The following ZDHHC6 variants were observed in gnomAD, a reference collection of about 807,000 sequenced individuals.
ZDHHC6 encodes the protein palmitoyltransferase ZDHHC6.
Under a neutral mutation model 57.8 loss-of-function variants are expected in ZDHHC6, and 32 were observed. That is an observed-to-expected ratio of 0.55 (90% CI 0.42 to 0.74). The LOEUF is 0.74. ZDHHC6 is among the 30% of genes least tolerant of loss of function. The pLI is 0.00. For synonymous variants in ZDHHC6, 128 were observed against 158.0 expected (o/e 0.81, Z 1.42); for missense variants, 433 against 500.7 (o/e 0.86, Z 1.29).
At chr10:112,426,711 C>A, downstream of ZDHHC6, 1 of 1,269,414 alleles carries the variant, frequency 7.9e-7, no homozygotes, top group Non-Finnish European at 1.2e-6. Flanking sequence ...CTTTGACAGG[C>A]ACTTTGAGTT....
chr10:112,443,520 A>T lies in ZDHHC6; in HGVS notation c.354T>A (p.Cys118Ter). The T allele has an allele frequency of 6.2e-7, 1 of 1,613,686 alleles. No homozygotes were observed. Among genetic ancestry groups the T allele is most frequent in the Non-Finnish European group, 8.5e-7 (1 of 1,179,650 alleles). The change falls in exon 3 of 11, where the codon TGT (cysteine) becomes TGA (stop). Residue 118 changes from cysteine (C) to a stop codon, truncating the protein, a stop_gained. Transcript: ENST00000369405. LOFTEE classifies it high-confidence loss of function. ...ACAGCAAGAAAGACAGGTACCTGTT[A>T]CACTTTCTGCAGTGATGTGAACGTG... ...KAPRSHHCRK[C>*]NRCVMKMDHH...
At chr10:112,426,399 C>T (rs11195955), downstream of ZDHHC6, 167,839 of 1,554,458 alleles carry the variant, frequency 0.11, 9,632 homozygotes, top group East Asian at 0.16. Context: ...CACCCATGGG[C>T]CCATCGTGGA....
At chr10:112,431,128 A>C (rs988107750) in intron 10 of ZDHHC6, among the ~76,000 whole-genome samples, 2 of 152,194 alleles carry the variant, frequency 1.3e-5, no homozygotes, top group Non-Finnish European at 2.9e-5. Context: ...ATGATCCCGA[A>C]TAGGGACTAA....
At chr10:112,442,451 C>A in intron 3 of ZDHHC6, 100 bp from the exon 4 acceptor site, 1 of 1,160,744 alleles carries the variant, frequency 8.6e-7, no homozygotes, top group Non-Finnish European at 1.2e-6. Flanking sequence ...TCCAGCATGT[C>A]CATGAGCTAC....
At chr10:112,445,885 T>C (rs1333338045) in intron 1 of ZDHHC6, among the ~76,000 whole-genome samples, 1 of 152,232 alleles carries the variant, frequency 6.6e-6, no homozygotes, top group Non-Finnish European at 1.5e-5. Context: ...TAGTTTTTTT[T>C]ATTCCTTCTC....
chr10:112,440,469 CTCTT>C, intron 5 of ZDHHC6, 61 bp downstream of exon 5: 1 of 1,502,402 alleles, frequency 6.7e-7, no homozygotes, highest in East Asian at 2.4e-5. Flanking sequence ...CAGGCTTTGT[CTCTT>C]TCTTGTGCAA....
intron 8 of ZDHHC6, 34 bp downstream of exon 8, chr10:112,433,205 GA>G (rs747527365): frequency 9.0e-5 from 138 of 1,527,264 alleles, no homozygotes; most frequent in Admixed American, 2.2e-4. Context: ...CCTAACAAAA[GA>G]AAAAAAAATT....
intron 7 of ZDHHC6, 101 bp from the exon 8 acceptor site, chr10:112,433,382 A>G (rs1408567704): frequency 1.4e-5 from 12 of 882,042 alleles, no homozygotes; most frequent in South Asian, 2.1e-5. Flanking sequence ...CAAAACCCCA[A>G]TTTTCCAGCA....
chr10:112,443,633 G>T (rs1331118347), intron 2 of ZDHHC6, 27 bp from the exon 3 acceptor site: 1 of 1,556,224 alleles, frequency 6.4e-7, no homozygotes, highest in Non-Finnish European at 8.9e-7. Context: ...AAACAAAAAT[G>T]CATCATCGGA....
intron 2 of ZDHHC6, 35 bp downstream of exon 2, chr10:112,445,135 C>T (rs1246679638): frequency 6.3e-7 from 1 of 1,588,918 alleles, no homozygotes; most frequent in Non-Finnish European, 8.6e-7. Context: ...ATACGATTAT[C>T]ATTAAAGTTC....
intron 3 of ZDHHC6, 112 bp from the exon 4 acceptor site, chr10:112,442,463 A>G (rs750203415): frequency 7.2e-6 from 7 of 977,436 alleles, no homozygotes; most frequent in Non-Finnish European, 1.0e-5. Context: ...ATGAGCTACG[A>G]GAGAATTATA....
rs1411278672 is a variant in ZDHHC6 at position 112,438,384 on chromosome 10, T to G, written c.687A>C (p.Lys229Asn). The change falls in exon 6 of 11, where the codon AAA becomes AAC. Residue 229 changes from lysine (K) to asparagine (N), a missense_variant. Physicochemically the swap from Lys to Asn is moderately conservative, Grantham distance 94. Coordinates refer to ENST00000369405, the MANE Select transcript of ZDHHC6 (RefSeq NM_022494.3). The part of the protein sequence containing the change: ...AVGMLFFIQM[K>N]IILRNKTSIE... ...TAGAAGTTTTGTTTCTGAGAATTAT[T>G]TTCATCTGGAAATTAAATGATAGTA... The G allele has an allele frequency of 3.6e-6, 5 of 1,389,904 alleles. No individual in the cohort carries two copies. The highest frequency in any genetic ancestry group is 4.8e-6 in the Non-Finnish European group (5 of 1,042,046). 86.1% of individuals were successfully genotyped at this position (1,389,904 alleles called of 1,614,324 possible).
chr10:112,447,340 G>A (rs370034836), upstream of ZDHHC6: 1 of 1,605,520 alleles, frequency 6.2e-7, no homozygotes, highest in African/African-American at 1.3e-5. Context: ...CCCTGACCTA[G>A]GCTTTGGCCT....
At position 112,445,201 on chromosome 10, in the gene ZDHHC6, C is replaced by T. The variant is rs2133953869; in HGVS notation, c.236G>A (p.Gly79Asp). Residue 79 changes from glycine to aspartate, a missense_variant, in exon 2 of 11, where the codon GGT becomes GAT. Physicochemically the swap from Gly to Asp is moderately conservative, Grantham distance 94. Transcript: ENST00000369405. ...CCACCCCAGAGGGACAAAGCCCGGA[C>T]CGACAAACATGGCATTGAAGTAATT... The part of the protein sequence containing the change: ...LYNYFNAMFV[G>D]PGFVPLGWKP... The T allele has an allele frequency of 6.2e-7, 1 of 1,613,862 alleles. No homozygotes were observed. Among genetic ancestry groups the T allele is most frequent in the Non-Finnish European group, 8.5e-7 (1 of 1,179,768 alleles).
chr10:112,442,760 T>G (rs1846245177), intron 3 of ZDHHC6, among the ~76,000 whole-genome samples: 1 of 152,146 alleles, frequency 6.6e-6, no homozygotes, highest in South Asian at 2.1e-4. Context: ...AGACCTCCAG[T>G]GGGGTTAATG....
intron 10 of ZDHHC6, among the ~76,000 whole-genome samples, chr10:112,431,145 T>A (rs559609325): frequency 1.7e-3 from 258 of 152,326 alleles, no homozygotes; most frequent in African/African-American, 6.0e-3. Context: ...CTAATGTGGT[T>A]AAAGACAGCT....
intron 8 of ZDHHC6, among the ~76,000 whole-genome samples, chr10:112,432,970 G>T (rs1460090992): frequency 1.3e-5 from 2 of 152,184 alleles, no homozygotes; most frequent in African/African-American, 4.8e-5. Context: ...CAACATAGTT[G>T]TAAGGATAGG....
At chr10:112,440,908 C>T (rs371766031) in intron 4 of ZDHHC6, among the ~76,000 whole-genome samples, 185 of 152,326 alleles carry the variant, frequency 1.2e-3, no homozygotes, top group African/African-American at 4.2e-3. Context: ...TGCAGTGGCA[C>T]GATCTCGACT....
chr10:112,432,434 C>T lies in ZDHHC6; in HGVS notation c.1033G>A (p.Glu345Lys), dbSNP rs150103225. ...TTTTGCAGCTGTATTCGAGGCTCTT[C>T]GGTGCAGGGACTTGTGAAGAAGGTT... ...IKTFFTSPCT[E>K]EPRIQLQKGE... The change falls in exon 9 of 11, where the codon GAA (glutamate) becomes AAA (lysine). Residue 345 changes from glutamate to lysine, a missense_variant. Physicochemically the swap from Glu to Lys is moderately conservative, Grantham distance 56. Coordinates refer to ENST00000369405, the MANE Select transcript of ZDHHC6 (RefSeq NM_022494.3). The T allele has an allele frequency of 1.9e-5, 31 of 1,614,046 alleles. No homozygotes were observed. The highest frequency in any genetic ancestry group is 1.0e-4 in the Admixed American group (6 of 60,010).
Sources: allele counts gnomAD v4.1 joint callset (sites outside exome capture counted in the v4.1 genomes callset), GRCh38; gene constraint gnomAD v4.1.1; transcripts MANE v1.5; gene names NCBI Gene and HGNC (gene_info 2026-07-23, HGNC 2026-07-21).